Variants in GNB1 observed in about 807,000 individuals in gnomAD.
GNB1 encodes G protein subunit beta 1.
In GNB1, 2 loss-of-function variants were observed where a neutral mutation model predicts 42.9. That is an observed-to-expected ratio of 0.05 (90% CI 0.02 to 0.15). The LOEUF (loss-of-function observed/expected upper bound fraction) is 0.15, where lower values mean the gene tolerates loss of function less well. Among genes scored for constraint, GNB1 ranks in the 10% least tolerant of loss-of-function variants. The probability of loss-of-function intolerance (pLI) is 1.00; values close to 1 mark genes in which losing one functional copy is unlikely to be tolerated. For synonymous variants in GNB1, 183 were observed against 174.7 expected, an observed-to-expected ratio of 1.05 and a Z score of -0.38; for missense variants, 193 against 462.2, an observed-to-expected ratio of 0.42 and a Z score of 5.34.
rs558999852 is a variant in GNB1 at position 1,826,129 on chromosome 1, C to T, written c.-46-630G>A. On this transcript the variant is annotated intron_variant, in intron 2 of 11. Transcript: ENST00000378609. Reference sequence around the variant, plus strand: ...TATAAATCCAAGAACATAAGACTGACATTTAGGCCAGGTGTGGTGGCTCAT... The same window carrying T: ...TATAAATCCAAGAACATAAGACTGATATTTAGGCCAGGTGTGGTGGCTCAT... Among the ~76,000 whole-genome samples the T allele has an allele frequency of 9.9e-5, 15 of 152,050 alleles. 1 individual carries two copies. In the South Asian group the frequency reaches 2.9e-3, roughly 30 times the overall value.
intron 2 of GNB1, among the ~76,000 whole-genome samples, chr1:1,829,730 C>T (rs1647050116): frequency 6.6e-6 from 1 of 151,998 alleles, no homozygotes. Flanking sequence ...AATGCCAGGG[C>T]AAGCCATCTT....
chr1:1,788,931 G>A (rs1413935376), intron 10 of GNB1, 122 bp downstream of exon 10: 1 of 715,316 alleles, frequency 1.4e-6, no homozygotes, highest in Admixed American at 2.3e-5. Context: ...TGTCACTCCT[G>A]CTACGCCATG....
intron 7 of GNB1, among the ~76,000 whole-genome samples, chr1:1,795,782 C>G (rs957292549): frequency 1.3e-4 from 19 of 147,910 alleles, no homozygotes; most frequent in African/African-American, 4.7e-4. Flanking sequence ...CCTCATAGGT[C>G]TCAAAGATGA....
chr1:1,824,662 T>TCCC (rs1646973580), intron 3 of GNB1, among the ~76,000 whole-genome samples: 1 of 152,068 alleles, frequency 6.6e-6, no homozygotes, highest in Non-Finnish European at 1.5e-5. Context: ...ATCCTCTGCC[T>TCCC]CCCGGGTTCA....
intron 3 of GNB1, among the ~76,000 whole-genome samples, chr1:1,821,855 T>C (rs909703782): frequency 6.6e-6 from 1 of 152,188 alleles, no homozygotes; most frequent in African/African-American, 2.4e-5. Flanking sequence ...ATAAAATTTG[T>C]TGGGCCAGGC....
chr1:1,840,102 C>T (rs1416326466), intron 1 of GNB1, among the ~76,000 whole-genome samples: 1 of 151,810 alleles, frequency 6.6e-6, no homozygotes, highest in Non-Finnish European at 1.5e-5. Flanking sequence ...ATGGCAGGCA[C>T]CTGTAACCCC....
At chr1:1,855,216 G>A (rs1244377267) in intron 1 of GNB1, among the ~76,000 whole-genome samples, 6 of 150,248 alleles carry the variant, frequency 4.0e-5, no homozygotes, top group Non-Finnish European at 7.4e-5. Flanking sequence ...AGTTACTTGG[G>A]AGGCTGAGGC....
chr1:1,879,336 T>C (rs1190848427), intron 1 of GNB1, among the ~76,000 whole-genome samples: 1 of 152,198 alleles, frequency 6.6e-6, no homozygotes, highest in Non-Finnish European at 1.5e-5. Flanking sequence ...AAATTAAAAC[T>C]GAAATGTCCT....
intron 1 of GNB1, among the ~76,000 whole-genome samples, chr1:1,880,210 G>C (rs966275180): frequency 2.0e-5 from 3 of 152,144 alleles, no homozygotes; most frequent in African/African-American, 7.2e-5. Context: ...TGGGATTACA[G>C]GTGTGAGCTA....
At chr1:1,855,821 T>C (rs1013542453) in intron 1 of GNB1, among the ~76,000 whole-genome samples, 4 of 152,320 alleles carry the variant, frequency 2.6e-5, no homozygotes, top group East Asian at 1.9e-4. Flanking sequence ...TTTGCTTCTT[T>C]GGCTATTTCA....
intron 1 of GNB1, among the ~76,000 whole-genome samples, chr1:1,847,380 T>C (rs977705543): frequency 6.6e-6 from 1 of 152,182 alleles, no homozygotes; most frequent in African/African-American, 2.4e-5. Flanking sequence ...GGATTGCCTT[T>C]TAAAGTTCTT....
At chr1:1,857,565 T>C in intron 1 of GNB1, among the ~76,000 whole-genome samples, 1 of 152,056 alleles carries the variant, frequency 6.6e-6, no homozygotes, top group South Asian at 2.1e-4. Flanking sequence ...GCAGCTGCCC[T>C]TGCCAAAGGG....
intron 1 of GNB1, among the ~76,000 whole-genome samples, chr1:1,859,016 ATTTAT>A (rs934902769): frequency 2.0e-5 from 3 of 150,358 alleles, no homozygotes; most frequent in Admixed American, 6.6e-5. Flanking sequence ...ATTTATGGGT[ATTTAT>A]TTTCTTTTTT....
At chr1:1,889,686 T>C (rs1332224419) in intron 1 of GNB1, among the ~76,000 whole-genome samples, 2 of 147,210 alleles carry the variant, frequency 1.4e-5, no homozygotes, top group East Asian at 2.0e-4. Context: ...AAGGCTTCCA[T>C]GAAGATGAAT....
chr1:1,864,768 C>G (rs1180712593), intron 1 of GNB1, among the ~76,000 whole-genome samples: 1 of 152,216 alleles, frequency 6.6e-6, no homozygotes, highest in African/African-American at 2.4e-5. Context: ...ATTTTAGTTG[C>G]TCATCTCCCA....
At chr1:1,856,290 C>T (rs1648293845) in intron 1 of GNB1, among the ~76,000 whole-genome samples, 1 of 152,090 alleles carries the variant, frequency 6.6e-6, no homozygotes, top group African/African-American at 2.4e-5. Flanking sequence ...CTGAATAGGG[C>T]TTTCTTTTTT....
chr1:1,789,942 G>C (rs1317042588), intron 9 of GNB1, among the ~76,000 whole-genome samples: 4 of 152,316 alleles, frequency 2.6e-5, no homozygotes, highest in African/African-American at 9.6e-5. Context: ...GCTGACCAAG[G>C]CTGTGGTCAG....
chr1:1,846,819 C>A (rs375998436), intron 1 of GNB1, among the ~76,000 whole-genome samples: 28 of 152,274 alleles, frequency 1.8e-4, no homozygotes, highest in African/African-American at 6.5e-4. Flanking sequence ...CTTGGCCTCC[C>A]AAAGTGCTCA....
intron 3 of GNB1, chr1:1,818,305 T>TTA (rs1646884395): frequency 1.0e-5 from 1 of 96,650 alleles, no homozygotes; most frequent in South Asian, 3.4e-4. Context: ...AAAGGTCTAT[T>TTA]AAAAAAAAAA....
Sources: allele counts gnomAD v4.1 joint callset (sites outside exome capture counted in the v4.1 genomes callset), GRCh38; gene constraint gnomAD v4.1.1; transcripts MANE v1.5; gene names NCBI Gene and HGNC (gene_info 2026-07-23, HGNC 2026-07-21).